The following KLF12 variants were observed in gnomAD, a reference collection of about 807,000 sequenced individuals.
KLF12 encodes KLF transcription factor 12, also known as Krueppel-like factor 12.
A neutral mutation model predicts 37.8 loss-of-function variants in KLF12; 9 were observed. The observed-to-expected ratio is 0.24, with a 90% confidence interval of 0.14 to 0.42. The LOEUF is 0.42. Ranked by LOEUF, KLF12 falls within the 10% of genes least tolerant of loss-of-function variation. KLF12 has a pLI of 1.00. For missense variants in KLF12, 411 were observed against 516.0 expected (o/e 0.80, Z 1.97); for synonymous variants, 208 against 202.1 (o/e 1.03, Z -0.25).
chr13:74,051,601 CA>C (rs1872930144), intron 1 of KLF12, among the ~76,000 whole-genome samples: 1 of 151,968 alleles, frequency 6.6e-6, no homozygotes, highest in African/African-American at 2.4e-5. Context: ...AGGAATAGAA[CA>C]GACTCAACCA....
intron 5 of KLF12, among the ~76,000 whole-genome samples, chr13:73,766,212 A>T (rs1879905932): frequency 6.6e-6 from 1 of 152,142 alleles, no homozygotes; most frequent in South Asian, 2.1e-4. Flanking sequence ...AGATGGAGAG[A>T]GGCCAGACAG....
the KLF12 span, among the ~76,000 whole-genome samples, chr13:74,209,110 C>CA: frequency 6.6e-6 from 1 of 151,866 alleles, no homozygotes; most frequent in Non-Finnish European, 1.5e-5. Flanking sequence ...AACTTACAAT[C>CA]TTATCACATA....
At chr13:74,252,932 T>C in the KLF12 span, among the ~76,000 whole-genome samples, 1 of 152,226 alleles carries the variant, frequency 6.6e-6, no homozygotes, top group Non-Finnish European at 1.5e-5. Flanking sequence ...GTATAACTTA[T>C]GTATTTAAAA....
chr13:73,917,128 T>C (rs9318225), intron 3 of KLF12, among the ~76,000 whole-genome samples: 50,342 of 152,080 alleles, frequency 0.33, 9,006 homozygotes, highest in East Asian at 0.68. Flanking sequence ...ATGGATTATA[T>C]ACCAAGTGTC....
At chr13:74,076,614 C>T (rs1433652466) in intron 1 of KLF12, among the ~76,000 whole-genome samples, 1 of 152,168 alleles carries the variant, frequency 6.6e-6, no homozygotes, top group African/African-American at 2.4e-5. Flanking sequence ...CTCTTAATAC[C>T]ATCACATTGG....
the KLF12 span, among the ~76,000 whole-genome samples, chr13:74,189,808 T>C: frequency 1.3e-5 from 2 of 152,204 alleles, no homozygotes; most frequent in Admixed American, 6.5e-5. Flanking sequence ...AGAAATTGTT[T>C]TCGACTAGTT....
At chr13:74,086,814 A>G (rs2138793348) in intron 1 of KLF12, among the ~76,000 whole-genome samples, 1 of 152,316 alleles carries the variant, frequency 6.6e-6, no homozygotes, top group East Asian at 1.9e-4. Context: ...CATATTTTAT[A>G]TATGTAGTAT....
At chr13:74,128,869 C>T (rs1442119797) in intron 1 of KLF12, among the ~76,000 whole-genome samples, 2 of 151,658 alleles carry the variant, frequency 1.3e-5, no homozygotes, top group South Asian at 2.1e-4. Flanking sequence ...CTGTATTTCT[C>T]GGTCATGAAA....
At chr13:74,067,250 A>G (rs1873971015) in intron 1 of KLF12, among the ~76,000 whole-genome samples, 1 of 152,236 alleles carries the variant, frequency 6.6e-6, no homozygotes, top group African/African-American at 2.4e-5. Flanking sequence ...ACATCAGATG[A>G]AAAAGAGTCT....
intron 6 of KLF12, among the ~76,000 whole-genome samples, chr13:73,728,878 T>C (rs1876855207): frequency 2.0e-5 from 3 of 152,192 alleles, no homozygotes. Context: ...GTGAGGTCTT[T>C]GTCTGGTTTT....
At chr13:73,838,957 G>T (rs539475729) in intron 4 of KLF12, among the ~76,000 whole-genome samples, 40 of 152,272 alleles carry the variant, frequency 2.6e-4, no homozygotes, top group African/African-American at 8.7e-4. Context: ...GAAAGCCACT[G>T]ATCAATCACA....
intron 3 of KLF12, among the ~76,000 whole-genome samples, chr13:73,929,777 A>C (rs1466863089): frequency 2.0e-5 from 3 of 152,172 alleles, no homozygotes; most frequent in African/African-American, 7.2e-5. Flanking sequence ...ACTTGCCCAA[A>C]CAGCTGTTCT....
the KLF12 span, among the ~76,000 whole-genome samples, chr13:74,161,849 T>G: frequency 1.3e-5 from 2 of 152,208 alleles, no homozygotes; most frequent in Admixed American, 6.5e-5. Flanking sequence ...CATGGATAAG[T>G]GCTCATGATA....
chr13:74,261,828 G>T, the KLF12 span, among the ~76,000 whole-genome samples: 1 of 152,218 alleles, frequency 6.6e-6, no homozygotes, highest in Non-Finnish European at 1.5e-5. Context: ...ACAAACGTGT[G>T]TGTGGTAGTA....
At chr13:73,816,787 T>C (rs1442167496) in intron 4 of KLF12, among the ~76,000 whole-genome samples, 1 of 152,172 alleles carries the variant, frequency 6.6e-6, no homozygotes, top group Non-Finnish European at 1.5e-5. Flanking sequence ...CCCTTGCTCT[T>C]TTTAGAACCT....
At chr13:74,304,361 G>A in the KLF12 span, among the ~76,000 whole-genome samples, 2 of 152,062 alleles carry the variant, frequency 1.3e-5, no homozygotes, top group African/African-American at 4.8e-5. Context: ...GGACCTTCTT[G>A]TAACCATGTT....
chr13:74,164,974 A>G, the KLF12 span, among the ~76,000 whole-genome samples: 1 of 152,202 alleles, frequency 6.6e-6, no homozygotes, highest in African/African-American at 2.4e-5. Context: ...AATGAATAAA[A>G]TCTAGTATTT....
chr13:73,981,626 T>C (rs1311536705), intron 2 of KLF12, among the ~76,000 whole-genome samples: 1 of 152,184 alleles, frequency 6.6e-6, no homozygotes, highest in African/African-American at 2.4e-5. Flanking sequence ...AATACAAAAT[T>C]CAGGATAAAT....
chr13:73,856,361 G>A (rs1885609918), intron 3 of KLF12, among the ~76,000 whole-genome samples: 1 of 152,186 alleles, frequency 6.6e-6, no homozygotes, highest in Non-Finnish European at 1.5e-5. Context: ...CAGCAATGCT[G>A]ACAAGGATGT....
Sources: gnomAD v4.1 joint callset for allele counts (sites outside exome capture counted in the v4.1 genomes callset) on GRCh38, gnomAD v4.1.1 for gene constraint, MANE v1.5 for transcripts, NCBI Gene and HGNC (gene_info 2026-07-23, HGNC 2026-07-21) for gene names.